LTBP3: variants seen among roughly 807,000 people sequenced by gnomAD.
LTBP3 encodes the protein latent transforming growth factor beta binding protein 3, also known as latent-transforming growth factor beta-binding protein 3.
A neutral mutation model predicts 159.7 loss-of-function variants in LTBP3; 97 were observed. The ratio of observed to expected loss-of-function variants is 0.61; its 90% CI spans 0.52 to 0.72. The LOEUF (loss-of-function observed/expected upper bound fraction) is 0.72. Ranked by LOEUF, LTBP3 falls within the 30% of genes least tolerant of loss-of-function variation. The pLI is 0.00. For synonymous variants in LTBP3, 824 were observed against 777.1 expected, an observed-to-expected ratio of 1.06 and a Z score of -1.00; for missense variants, 1,584 against 1,864.3, an observed-to-expected ratio of 0.85 and a Z score of 2.77.
chr11:65,557,198 A>C (rs1856841561), intron 1 of LTBP3, among the ~76,000 whole-genome samples: 1 of 152,118 alleles, frequency 6.6e-6, no homozygotes, highest in Non-Finnish European at 1.5e-5. Context: ...CTACTCTGGC[A>C]GGCCCTACTT....
rs1281800282 is a variant in LTBP3, at chr11:65,540,313, C to T, written c.3176G>A (p.Arg1059His). The stretch of plus-strand genomic sequence containing the variant: ...CTCGGCAGGGGGCGTGCAGGCACAG[C>T]GGTAGCCGCCGCGCGTGTTCTCACA... ...GVCENTRGGY[R>H]CACTPPAEYS... is the part of the protein sequence containing the mutation. The change falls in exon 23 of 28, where the codon CGC becomes CAC. Residue 1059 changes from arginine (R) to histidine (H), a missense_variant. By Grantham distance (29) the Arg-to-His change is conservative. Coordinates refer to ENST00000301873, the MANE Select transcript of LTBP3 (RefSeq NM_001130144.3). 2.5e-6 allele frequency: 4 copies of T among 1,569,162 alleles called. No individual in the cohort carries two copies. Among genetic ancestry groups the T allele is most frequent in the East Asian group, 2.3e-5 (1 of 43,222 alleles).
Position 65,552,541 on chromosome 11 carries a change from C to T in LTBP3, c.1187-135G>A. 1.8e-6 allele frequency: 2 copies of T among 1,126,764 alleles called. No individual in the cohort carries two copies. Among genetic ancestry groups the T allele is most frequent in the Non-Finnish European group, 2.5e-6 (2 of 785,614 alleles). 69.8% of individuals were successfully genotyped at this position (1,126,764 alleles called of 1,614,324 possible). A position where few individuals can be genotyped will look rare whatever the true frequency, so the allele number is the denominator to read the frequency against. ...CATGTGGTCTCTGACCCCATATGACCCTGAACTCATGTGACCCCTGAAACT... is the reference window on the plus strand; with the variant it reads ...CATGTGGTCTCTGACCCCATATGACTCTGAACTCATGTGACCCCTGAAACT... On this transcript the variant is annotated intron_variant, in intron 6 of 27. Coordinates refer to ENST00000301873, the MANE Select transcript of LTBP3 (RefSeq NM_001130144.3). The surrounding 1 kb of genome is among the most constrained non-coding windows in gnomAD (Gnocchi z 6.0).
At chr11:65,548,725 T>C (rs114930735) in intron 11 of LTBP3, 2,334 of 159,744 alleles carry the variant, frequency 0.015, 63 homozygotes, top group African/African-American at 0.052. Flanking sequence ...ACTCCTGCCA[T>C]GCAGCCTGGG....
In LTBP3 at chr11:65,547,348, G is replaced by GAAAA; in HGVS notation, c.2107+87_2107+90dup. The GAAAA allele has an allele frequency of 2.4e-6, 2 of 834,944 alleles. No homozygotes were observed. Among genetic ancestry groups the GAAAA allele is most frequent in the Non-Finnish European group, 3.2e-6 (2 of 628,406 alleles). 51.7% of individuals were successfully genotyped at this position (834,944 alleles called of 1,614,324 possible). On this transcript the variant is annotated intron_variant, in intron 14 of 27. Transcript: ENST00000301873. This position sits in a 1 kb window ranked among gnomAD's most constrained non-coding sequence, Gnocchi z 4.6. ...GACAGAGTGAGACTCCGTCTCGGGG[G>GAAAA]AAAAAAAAAAAAATGCAGGCACCCC...
At position 65,553,801 on chromosome 11, in the gene LTBP3, G is replaced by A; in HGVS notation, c.764C>T (p.Pro255Leu). The A allele has an allele frequency of 1.9e-6, 3 of 1,563,962 alleles. No individual in the cohort carries two copies. The highest frequency in any genetic ancestry group is 1.7e-6 in the Non-Finnish European group (2 of 1,162,442). Residue 255 changes from proline to leucine, a missense_variant, in exon 3 of 28, where the codon CCC becomes CTC. Physicochemically the swap from Pro to Leu is moderately conservative, Grantham distance 98. This residue lies in a region of LTBP3 where 194 missense variants were observed against 198.7 expected (regional missense o/e 0.98). Coordinates refer to ENST00000301873, the MANE Select transcript of LTBP3 (RefSeq NM_001130144.3). This position sits in a 1 kb window ranked among gnomAD's most constrained non-coding sequence, Gnocchi z 6.5. The stretch of plus-strand genomic sequence containing the variant: ...GGGGTGCGGCAGCAGGTGCTGGGAG[G>A]GGGCTGCGCTCTCGGCGTTCGAGCT... Reference protein sequence around the residue: ...IESSNAESAAPSQHLLPHPKP... With the variant: ...IESSNAESAALSQHLLPHPKP...
At chr11:65,550,449 A>T (rs1264241974) in intron 11 of LTBP3, among the ~76,000 whole-genome samples, 1 of 151,934 alleles carries the variant, frequency 6.6e-6, no homozygotes. Context: ...AAAATAAAAA[A>T]ATCAGAGTAG....
rs746305466 is a variant in LTBP3, at chr11:65,539,566, A to G, written c.3610T>C (p.Leu1204=). Residue 1204 remains leucine, a synonymous_variant, in exon 26 of 28, where the codon TTG becomes CTG. Coordinates refer to ENST00000301873, the MANE Select transcript of LTBP3 (RefSeq NM_001130144.3). ...NSFWDTSPLL[L]GKPPRDEDSS... ...CACTCACCTCTTGGGGGCTTCCCCAACAGCAGGGGGCTTGTGTCCCAGAAG... is the reference window on the plus strand; with the variant it reads ...CACTCACCTCTTGGGGGCTTCCCCAGCAGCAGGGGGCTTGTGTCCCAGAAG... 1.9e-6 allele frequency: 3 copies of G among 1,612,678 alleles called. No individual in the cohort carries two copies. The highest frequency in any genetic ancestry group is 2.5e-6 in the Non-Finnish European group (3 of 1,179,292).
In LTBP3 at chr11:65,547,822, C is replaced by A; in HGVS notation, c.1847-1G>T. The A allele has an allele frequency of 6.2e-7, 1 of 1,613,364 alleles. No homozygotes were observed. Among genetic ancestry groups the A allele is most frequent in the Non-Finnish European group, 8.5e-7 (1 of 1,179,922 alleles). On this transcript the variant is annotated splice_acceptor_variant, in intron 12 of 27. Transcript: ENST00000301873. LOFTEE classifies it high-confidence loss of function. This position sits in a 1 kb window ranked among gnomAD's most constrained non-coding sequence, Gnocchi z 4.6. ...GGCTCTGCCTCGCACTCGTTCACAT[C>A]TGAGAAGAACGGGTAGGCCAAGAAA...
rs1855947962 is a variant in LTBP3, at chr11:65,539,319, C to T, written c.3760+9G>A. 4.0e-6 allele frequency: 6 copies of T among 1,511,876 alleles called. No individual in the cohort carries two copies. The highest frequency in any genetic ancestry group is 5.3e-6 in the Non-Finnish European group (6 of 1,126,714). 93.7% of individuals were successfully genotyped at this position (1,511,876 alleles called of 1,614,324 possible). ...CCGCCCCTGCCCCCACCCCCGAAGC[C>T]CGGCTCACCCACGCAGCGGGCGCGG... On this transcript the variant is annotated intron_variant, in intron 27 of 27. Coordinates refer to ENST00000301873, the MANE Select transcript of LTBP3 (RefSeq NM_001130144.3).
chr11:65,546,829 G>C lies in LTBP3; in HGVS notation c.2199C>G (p.Gly733=). 4 of 1,609,000 alleles carry C rather than the reference G, an allele frequency of 2.5e-6. No homozygotes were observed. The highest frequency in any genetic ancestry group is 3.4e-6 in the Non-Finnish European group (4 of 1,179,770). The change falls in exon 15 of 28, where the codon GGC becomes GGG. Residue 733 remains glycine (G), a synonymous_variant. Transcript: ENST00000301873. The surrounding 1 kb of genome is among the most constrained non-coding windows in gnomAD (Gnocchi z 4.0). ...GSFKCIACQP[G]YRSQGGGACR... Reference sequence around the variant, plus strand: ...AGGCCCCGCCCCCCTGGCTGCGGTAGCCAGGCTGACAGGCGATGCACTTGA... The same window carrying C: ...AGGCCCCGCCCCCCTGGCTGCGGTACCCAGGCTGACAGGCGATGCACTTGA...
At position 65,548,014 on chromosome 11, in the gene LTBP3, G is replaced by A. The variant is rs763846995; in HGVS notation, c.1752C>T (p.Ile584=). Residue 584 remains isoleucine (I), a synonymous_variant, in exon 12 of 28, where the codon ATC becomes ATT. Transcript: ENST00000301873. ...ETDECRLNQN[I]CGHGECVPGP... ...CCGGCACGCACTCTCCGTGGCCACA[G>A]ATGTTCTGGTTCAGTCGGCACTCAT... is the stretch of plus-strand genomic sequence containing the variant. The A allele has an allele frequency of 1.1e-5, 18 of 1,613,828 alleles. No individual in the cohort carries two copies. Among genetic ancestry groups the A allele is most frequent in the Non-Finnish European group, 1.4e-5 (17 of 1,179,996 alleles).
intron 16 of LTBP3, chr11:65,543,885 C>T (rs773900250): frequency 3.1e-5 from 12 of 381,494 alleles, no homozygotes; most frequent in Non-Finnish European, 6.1e-5. Flanking sequence ...TTGTTCTTCC[C>T]ACTTTCTTCT....
At chr11:65,548,205 A>G in intron 11 of LTBP3, 160 bp from the exon 12 acceptor site, 1 of 1,062,796 alleles carries the variant, frequency 9.4e-7, no homozygotes. Context: ...AGATAACCCC[A>G]ATATCAAGAC....
intron 18 of LTBP3, 82 bp downstream of exon 18, chr11:65,543,023 G>A (rs1359806318): frequency 1.3e-6 from 2 of 1,576,454 alleles, no homozygotes; most frequent in East Asian, 2.2e-5. Context: ...GTGGATGGAT[G>A]GATGGAGAAA....
chr11:65,556,217 C>G (rs538822194), intron 1 of LTBP3, among the ~76,000 whole-genome samples: 1 of 152,188 alleles, frequency 6.6e-6, no homozygotes, highest in African/African-American at 2.4e-5. Context: ...GACACCAACA[C>G]AGGTTCACAT....
In LTBP3 at chr11:65,538,975, G is replaced by C. The variant is rs1026448145; in HGVS notation, c.*105C>G. 1 of 1,316,290 alleles carries C rather than the reference G, an allele frequency of 7.6e-7. No individual in the cohort carries two copies. The highest frequency in any genetic ancestry group is 9.7e-7 in the Non-Finnish European group (1 of 1,034,042). 81.5% of individuals were successfully genotyped at this position (1,316,290 alleles called of 1,614,324 possible). A position where few individuals can be genotyped will look rare whatever the true frequency, so the allele number is the denominator to read the frequency against. On this transcript the variant is annotated 3_prime_UTR_variant, in exon 28 of 28. Transcript: ENST00000301873. ...GGCGCCGGGAGGGTCTGCGGGCCCT[G>C]AAGGTCCCTGGGTCCGAGCCACAAG...
In LTBP3 at chr11:65,539,114, G is replaced by A. The variant is rs1855921139; in HGVS notation, c.3878C>T (p.Pro1293Leu). ...GCGCTGGGGAACGCAGGCCCCGTGCGGGCGGCTGCGCGCGAAGCCGGCTTT... is the reference window on the plus strand; with the variant it reads ...GCGCTGGGGAACGCAGGCCCCGTGCAGGCGGCTGCGCGCGAAGCCGGCTTT... The part of the protein sequence containing the change: ...VCKAGFARSR[P>L]HGACVPQRRR Residue 1293 changes from proline to leucine, a missense_variant, in exon 28 of 28, where the codon CCG becomes CTG. Pro to Leu is a moderately conservative substitution (Grantham distance 98, BLOSUM62 -3). Around this residue, in one of 6 missense-constraint regions of LTBP3, gnomAD observed 514 missense variants for 530.3 expected, o/e 0.97. Coordinates refer to ENST00000301873, the MANE Select transcript of LTBP3 (RefSeq NM_001130144.3). 1 of 1,473,350 alleles carries A rather than the reference G, an allele frequency of 6.8e-7. No individual in the cohort carries two copies. The allele number at this position is 1,473,350 out of a possible 1,614,324, so 91.3% of individuals were successfully genotyped here.
chr11:65,557,862 A>C lies in LTBP3; in HGVS notation c.98T>G (p.Leu33Arg). Reference sequence around the variant, plus strand: ...GACCCTGCCGCCCAGGCCCAGCAGCAGCAGCAGCAGCAGCAGCAGCAGCGC... The same window carrying C: ...GACCCTGCCGCCCAGGCCCAGCAGCCGCAGCAGCAGCAGCAGCAGCAGCGC... ...LLALLLLLLL[L>R]LLGLGGRVEG... Residue 33 changes from leucine (L) to arginine (R), a missense_variant, in exon 1 of 28, where the codon CTG becomes CGG. Physicochemically the swap from Leu to Arg is moderately radical, Grantham distance 102 (BLOSUM62 -2). Transcript: ENST00000301873. 7.7e-7 allele frequency: 1 copy of C among 1,302,604 alleles called. No homozygotes were observed. The highest frequency in any genetic ancestry group is 9.8e-7 in the Non-Finnish European group (1 of 1,023,570). The allele number at this position is 1,302,604 out of a possible 1,614,324, so 80.7% of individuals were successfully genotyped here. A position where few individuals can be genotyped will look rare whatever the true frequency, so the allele number is the denominator to read the frequency against.
chr11:65,554,105 C>T lies in LTBP3; in HGVS notation c.607G>A (p.Ala203Thr), dbSNP rs775332913. ...GGCACCAGGAAGGCTGCGTGCTGGG[C>T]AGGAGGCCCCTCCCCGGGCCCAGGA... ...DPPGPGEGPP[A>T]QHAAFLVPLG... The change falls in exon 2 of 28, where the codon GCC becomes ACC. Residue 203 changes from alanine (A) to threonine (T), a missense_variant. By Grantham distance (58) the Ala-to-Thr change is moderately conservative (BLOSUM62 0). Transcript: ENST00000301873. This position sits in a 1 kb window ranked among gnomAD's most constrained non-coding sequence, Gnocchi z 5.3. 5 of 1,610,076 alleles carry T rather than the reference C, an allele frequency of 3.1e-6. No individual in the cohort carries two copies. Among genetic ancestry groups the T allele is most frequent in the Admixed American group, 1.7e-5 (1 of 59,992 alleles).
Sources: allele counts gnomAD v4.1 joint callset (sites outside exome capture counted in the v4.1 genomes callset), GRCh38; gene constraint gnomAD v4.1.1; regional missense constraint gnomAD v4.1.1; non-coding constraint Gnocchi (gnomAD v3.1); transcripts MANE v1.5; gene names NCBI Gene and HGNC (gene_info 2026-07-23, HGNC 2026-07-21).